KLHDC10: variants seen among roughly 807,000 people sequenced by gnomAD.
The protein encoded by KLHDC10 is kelch domain-containing protein 10.
In KLHDC10, 24 loss-of-function variants were observed where a neutral mutation model predicts 56.1. The observed-to-expected ratio is 0.43, with a 90% confidence interval of 0.31 to 0.60. The LOEUF is 0.60. Ranked by LOEUF, KLHDC10 falls within the 20% of genes least tolerant of loss-of-function variation. The probability of loss-of-function intolerance (pLI) is 0.11; values close to 1 mark genes in which losing one functional copy is unlikely to be tolerated. For missense variants in KLHDC10, 349 were observed against 567.0 expected (o/e 0.62, Z 3.91); for synonymous variants, 188 against 207.1 (o/e 0.91, Z 0.79).
chr7:130,101,340 T>C (rs1584628448), intron 2 of KLHDC10, among the ~76,000 whole-genome samples: 1 of 152,204 alleles, frequency 6.6e-6, no homozygotes, highest in African/African-American at 2.4e-5. Context: ...ATTATATTGA[T>C]GGAGGAACCA....
intron 7 of KLHDC10, among the ~76,000 whole-genome samples, chr7:130,126,518 ATG>A: frequency 6.6e-6 from 1 of 151,492 alleles, no homozygotes; most frequent in African/African-American, 2.4e-5. Flanking sequence ...TCTACTAAAA[ATG>A]TAAAAATTAG....
chr7:130,128,628 T>C (rs966585422), intron 8 of KLHDC10, among the ~76,000 whole-genome samples: 2 of 152,078 alleles, frequency 1.3e-5, no homozygotes, highest in Non-Finnish European at 2.9e-5. Flanking sequence ...AATGTCTACA[T>C]AGAGACTTTA....
intron 1 of KLHDC10, among the ~76,000 whole-genome samples, chr7:130,080,779 AATC>A (rs1442451279): frequency 6.6e-6 from 1 of 152,116 alleles, no homozygotes; most frequent in Non-Finnish European, 1.5e-5. Context: ...TATCCTAGAA[AATC>A]ACCCAGTTCA....
intron 2 of KLHDC10, among the ~76,000 whole-genome samples, chr7:130,106,656 T>C (rs1211983458): frequency 1.3e-5 from 2 of 152,224 alleles, no homozygotes; most frequent in South Asian, 2.1e-4. Context: ...TTATGACATA[T>C]ATGCTTTTCT....
chr7:130,128,379 G>C (rs1415522154), intron 8 of KLHDC10, among the ~76,000 whole-genome samples: 1 of 152,146 alleles, frequency 6.6e-6, no homozygotes, highest in Admixed American at 6.5e-5. Flanking sequence ...TTCAACCTTA[G>C]TTCTAGGCAT....
chr7:130,070,803 C>T lies in KLHDC10; in HGVS notation c.160C>T (p.Leu54=), dbSNP rs559181998. The T allele has an allele frequency of 1.5e-5, 20 of 1,305,456 alleles. No homozygotes were observed. The South Asian group carries it at 2.8e-4, about 19-fold the overall frequency. 80.9% of individuals were successfully genotyped at this position (1,305,456 alleles called of 1,614,324 possible). ...RFVQLSGRPH[L]PGKKKIRWDP... ...CGTGCAACTCTCCGGGCGGCCGCAC[C>T]TGCCAGGTGAGTCGTGGGACAGGGT... The change falls in exon 1 of 10, where the codon CTG becomes TTG. Residue 54 remains leucine, a synonymous_variant. Coordinates refer to ENST00000335420, the MANE Select transcript of KLHDC10 (RefSeq NM_014997.4).
chr7:130,079,872 T>A (rs1447009341), intron 1 of KLHDC10, among the ~76,000 whole-genome samples: 3 of 125,318 alleles, frequency 2.4e-5, no homozygotes, highest in Non-Finnish European at 4.9e-5. Flanking sequence ...CTCCCTTTCT[T>A]CCTCCCTCCC....
intron 1 of KLHDC10, among the ~76,000 whole-genome samples, chr7:130,077,791 G>A (rs915728968): frequency 6.6e-6 from 1 of 151,672 alleles, no homozygotes; most frequent in Non-Finnish European, 1.5e-5. Flanking sequence ...TCCTGACCTC[G>A]TGATCCACCG....
intron 8 of KLHDC10, among the ~76,000 whole-genome samples, 169 bp downstream of exon 8, chr7:130,127,620 A>G (rs994857251): frequency 1.2e-4 from 18 of 152,254 alleles, no homozygotes; most frequent in African/African-American, 3.6e-4. Context: ...CTGTTTTCAT[A>G]ATGTAAACTA....
At chr7:130,124,259 G>A (rs1365678370) in intron 5 of KLHDC10, among the ~76,000 whole-genome samples, 192 bp from the exon 6 acceptor site, 1 of 152,084 alleles carries the variant, frequency 6.6e-6, no homozygotes, top group Non-Finnish European at 1.5e-5. Context: ...TGCCTACTCT[G>A]TTACTGGTTG....
chr7:130,077,276 C>A (rs1795518314), intron 1 of KLHDC10, among the ~76,000 whole-genome samples: 1 of 132,174 alleles, frequency 7.6e-6, no homozygotes, highest in South Asian at 2.5e-4. Flanking sequence ...AATTGTTGAA[C>A]CTGGGAGGCA....
intron 1 of KLHDC10, among the ~76,000 whole-genome samples, chr7:130,087,518 A>G (rs913993881): frequency 6.6e-6 from 1 of 152,170 alleles, no homozygotes; most frequent in Non-Finnish European, 1.5e-5. Context: ...TAGAAGTATT[A>G]TGACTCACAA....
At chr7:130,084,480 G>T (rs757504992) in intron 1 of KLHDC10, among the ~76,000 whole-genome samples, 1 of 152,086 alleles carries the variant, frequency 6.6e-6, no homozygotes, top group Non-Finnish European at 1.5e-5. Flanking sequence ...GAATCAAGAT[G>T]ATTGCTAACA....
intron 3 of KLHDC10, among the ~76,000 whole-genome samples, chr7:130,117,849 CAA>C (rs60800057): frequency 0.023 from 1,707 of 73,086 alleles, 25 homozygotes; most frequent in African/African-American, 0.077. Context: ...GACCCTGTCT[CAA>C]AAAAAAAAAA....
At chr7:130,098,324 C>T (rs1236997579) in intron 2 of KLHDC10, among the ~76,000 whole-genome samples, 2 of 152,030 alleles carry the variant, frequency 1.3e-5, no homozygotes, top group African/African-American at 2.4e-5. Flanking sequence ...GAAACCCTGT[C>T]TCTGTAAAAA....
chr7:130,131,491 T>C lies in KLHDC10; in HGVS notation c.*745T>C, dbSNP rs1263197623. ...GCTCTTTGTTGTTGCTCTTAGAAAT[T>C]ATGGCACCAAGAATGTTTCAAACGG... On this transcript the variant is annotated 3_prime_UTR_variant, in exon 10 of 10. Coordinates refer to ENST00000335420, the MANE Select transcript of KLHDC10 (RefSeq NM_014997.4). 6.6e-6 allele frequency: 1 copy of C among 152,226 alleles called. No individual in the cohort carries two copies. Among genetic ancestry groups the C allele is most frequent in the African/African-American group, 2.4e-5 (1 of 41,454 alleles). The allele number at this position is 152,226 out of a possible 1,614,324, so 9.4% of individuals were successfully genotyped here.
At chr7:130,093,651 T>A (rs962278947) in intron 1 of KLHDC10, among the ~76,000 whole-genome samples, 1 of 152,214 alleles carries the variant, frequency 6.6e-6, no homozygotes, top group Non-Finnish European at 1.5e-5. Flanking sequence ...TGGAGAGGCA[T>A]ACATTTATTT....
chr7:130,092,901 G>T (rs1795795722), intron 1 of KLHDC10, among the ~76,000 whole-genome samples: 1 of 151,872 alleles, frequency 6.6e-6, no homozygotes, highest in Non-Finnish European at 1.5e-5. Flanking sequence ...TGGTGTGTAG[G>T]ACTGTGGTGT....
At chr7:130,125,780 A>C (rs1796307574) in intron 6 of KLHDC10, 85 bp from the exon 7 acceptor site, 1 of 1,058,658 alleles carries the variant, frequency 9.4e-7, no homozygotes, top group Admixed American at 2.7e-5. Flanking sequence ...TAAAAAACAA[A>C]GTCTATTTTT....
Sources: allele counts gnomAD v4.1 joint callset (sites outside exome capture counted in the v4.1 genomes callset), GRCh38; gene constraint gnomAD v4.1.1; transcripts MANE v1.5; gene names NCBI Gene and HGNC (gene_info 2026-07-23, HGNC 2026-07-21).